TNFSF4: variants seen among roughly 807,000 people sequenced by gnomAD.
TNFSF4 encodes TNF superfamily member 4, also known as tumor necrosis factor ligand superfamily member 4.
TNFSF4 carries 4 observed loss-of-function variants against 7.3 expected under a neutral mutation model. The observed-to-expected ratio is 0.55, with a 90% CI of 0.27 to 1.25. TNFSF4 has a LOEUF of 1.25. TNFSF4 is among the 50% of genes most tolerant of loss of function. The pLI is 0.12. For synonymous variants in TNFSF4, 76 were observed against 83.7 expected (o/e 0.91, Z 0.50); for missense variants, 181 against 208.8 (o/e 0.87, Z 0.82).
chr1:173,334,018 A>C, the TNFSF4 span, among the ~76,000 whole-genome samples: 3 of 151,986 alleles, frequency 2.0e-5, no homozygotes, highest in Admixed American at 2.0e-4. Flanking sequence ...AGCCTCCATA[A>C]TCATGTGAGC....
At chr1:173,430,929 C>T in the TNFSF4 span, among the ~76,000 whole-genome samples, 1 of 152,296 alleles carries the variant, frequency 6.6e-6, no homozygotes, top group South Asian at 2.1e-4. Flanking sequence ...TGTGAGAAAG[C>T]CTTTCTGTAA....
the TNFSF4 span, among the ~76,000 whole-genome samples, chr1:173,445,563 G>C: frequency 2.0e-5 from 3 of 152,124 alleles, no homozygotes; most frequent in Non-Finnish European, 4.4e-5. Context: ...TAAACAAACA[G>C]AAAAGGGCTC....
chr1:173,203,658 A>C (rs186827007), intron 1 of TNFSF4, among the ~76,000 whole-genome samples: 18 of 152,334 alleles, frequency 1.2e-4, no homozygotes, highest in African/African-American at 4.3e-4. Context: ...TCACTTTCTA[A>C]GTATCTCTAC....
chr1:173,233,127 A>G, the TNFSF4 span, among the ~76,000 whole-genome samples: 7 of 152,156 alleles, frequency 4.6e-5, no homozygotes, highest in African/African-American at 1.7e-4. Flanking sequence ...TGTAGAGAAG[A>G]CCTTAAATGA....
the TNFSF4 span, among the ~76,000 whole-genome samples, chr1:173,287,113 T>A: frequency 1.3e-5 from 2 of 151,468 alleles, no homozygotes; most frequent in Non-Finnish European, 2.9e-5. Context: ...AGGCCAGGAG[T>A]TCAAGACCAG....
chr1:173,244,663 A>AC, the TNFSF4 span, among the ~76,000 whole-genome samples: 2 of 151,020 alleles, frequency 1.3e-5, no homozygotes, highest in Non-Finnish European at 1.5e-5. Flanking sequence ...AAAAACAAAA[A>AC]AAACAAAAAA....
chr1:173,256,288 G>A, the TNFSF4 span, among the ~76,000 whole-genome samples: 1 of 152,162 alleles, frequency 6.6e-6, no homozygotes, highest in Admixed American at 6.5e-5. Flanking sequence ...TATTCTCACA[G>A]TTCTGGGGGC....
the TNFSF4 span, among the ~76,000 whole-genome samples, chr1:173,430,309 G>A: frequency 1.3e-5 from 2 of 152,188 alleles, no homozygotes; most frequent in Non-Finnish European, 2.9e-5. Flanking sequence ...TGCCTTCTTA[G>A]CTCACTCCTG....
chr1:173,434,813 G>A, the TNFSF4 span, among the ~76,000 whole-genome samples: 1 of 152,220 alleles, frequency 6.6e-6, no homozygotes, highest in Non-Finnish European at 1.5e-5. Flanking sequence ...GAGGAAATCT[G>A]ATTTGGCAGA....
the TNFSF4 span, among the ~76,000 whole-genome samples, chr1:173,251,812 C>T: frequency 6.6e-6 from 1 of 152,248 alleles, no homozygotes; most frequent in Admixed American, 6.5e-5. Context: ...TTTACAATGA[C>T]ACTACTGTGG....
At chr1:173,350,023 T>A in the TNFSF4 span, among the ~76,000 whole-genome samples, 59 of 152,306 alleles carry the variant, frequency 3.9e-4, no homozygotes, top group Non-Finnish European at 3.7e-4. Context: ...TAAAATATAT[T>A]TATTGTAGAA....
the TNFSF4 span, among the ~76,000 whole-genome samples, chr1:173,177,998 C>T: frequency 6.6e-6 from 1 of 152,070 alleles, no homozygotes; most frequent in Non-Finnish European, 1.5e-5. Context: ...GAAAAACTAG[C>T]CACCATTAAT....
the TNFSF4 span, among the ~76,000 whole-genome samples, chr1:173,422,892 G>T: frequency 0.021 from 3,136 of 152,250 alleles, 42 homozygotes; most frequent in Non-Finnish European, 0.032. Context: ...TGAGAGAGTT[G>T]ATGTCGTGGA....
chr1:173,358,583 T>A, the TNFSF4 span, among the ~76,000 whole-genome samples: 1 of 152,206 alleles, frequency 6.6e-6, no homozygotes, highest in Non-Finnish European at 1.5e-5. Context: ...AATGCATACA[T>A]ATGTTCATTA....
chr1:173,334,344 T>G, the TNFSF4 span, among the ~76,000 whole-genome samples: 3 of 152,154 alleles, frequency 2.0e-5, no homozygotes, highest in African/African-American at 4.8e-5. Context: ...GACTACATAT[T>G]TCAGGTATCG....
rs528418824 is a variant in TNFSF4 at position 173,207,117 on chromosome 1, C to T, written c.60G>A (p.Glu20=). ...AGGCCACCAGCAATAGCTTGTTCCT[C>T]TCGAATCTTGGCCTGGCTGCATTTC... ...NVGNAARPRF[E]RNKLLLVASV... The change falls in exon 1 of 3, where the codon GAG becomes GAA. Residue 20 remains glutamate (E), a synonymous_variant. Coordinates refer to ENST00000281834, the MANE Select transcript of TNFSF4 (RefSeq NM_003326.5). The T allele has an allele frequency of 4.3e-6, 7 of 1,613,810 alleles. No individual in the cohort carries two copies. In the South Asian group the frequency reaches 7.7e-5, roughly 18 times the overall value.
chr1:173,443,879 T>A, the TNFSF4 span, among the ~76,000 whole-genome samples: 1 of 152,340 alleles, frequency 6.6e-6, no homozygotes, highest in South Asian at 2.1e-4. Flanking sequence ...CTGACTGTGC[T>A]GCAGTCCTGC....
chr1:173,327,393 A>G, the TNFSF4 span, among the ~76,000 whole-genome samples: 1 of 151,960 alleles, frequency 6.6e-6, no homozygotes, highest in African/African-American at 2.4e-5. Flanking sequence ...CTAAAACCAT[A>G]AAAACCCTAG....
chr1:173,205,517 G>A, intron 1 of TNFSF4: 1 of 1,394,700 alleles, frequency 7.2e-7, no homozygotes, highest in Non-Finnish European at 9.3e-7. Context: ...GAGCCGTTGT[G>A]CAATCAGTTA....
Sources: gnomAD v4.1 joint callset for allele counts (sites outside exome capture counted in the v4.1 genomes callset) on GRCh38, gnomAD v4.1.1 for gene constraint, MANE v1.5 for transcripts, NCBI Gene and HGNC (gene_info 2026-07-23, HGNC 2026-07-21) for gene names.